DPP10: variants seen among roughly 807,000 people sequenced by gnomAD.
The protein encoded by DPP10 is inactive dipeptidyl peptidase 10.
A neutral mutation model predicts 120.9 loss-of-function variants in DPP10; 33 were observed. The observed-to-expected ratio is 0.27, with a 90% CI of 0.21 to 0.37. The LOEUF (loss-of-function observed/expected upper bound fraction) is 0.37, where lower values mean the gene tolerates loss of function less well. DPP10 is among the 10% of genes least tolerant of loss of function. The pLI is 1.00. For synonymous variants in DPP10, 337 were observed against 326.1 expected, an observed-to-expected ratio of 1.03 and a Z score of -0.36; for missense variants, 816 against 942.8, an observed-to-expected ratio of 0.87 and a Z score of 1.76.
At chr2:115,339,490 C>A (rs1030852249) in intron 2 of DPP10, among the ~76,000 whole-genome samples, 1 of 151,932 alleles carries the variant, frequency 6.6e-6, no homozygotes, top group African/African-American at 2.4e-5. Context: ...TATGTTTGTA[C>A]AAAAATCTAT....
At chr2:115,765,856 T>C (rs187533099) in intron 12 of DPP10, among the ~76,000 whole-genome samples, 1 of 152,248 alleles carries the variant, frequency 6.6e-6, no homozygotes, top group Non-Finnish European at 1.5e-5. Context: ...CCTTGAATGG[T>C]ATATTATCTC....
At chr2:114,700,203 G>T (rs956419011) in intron 1 of DPP10, among the ~76,000 whole-genome samples, 5 of 151,976 alleles carry the variant, frequency 3.3e-5, no homozygotes, top group African/African-American at 1.2e-4. Context: ...CTCCAGGCAG[G>T]GGGGAAAGCA....
At chr2:114,878,109 A>G (rs1275128595) in intron 1 of DPP10, among the ~76,000 whole-genome samples, 1 of 152,124 alleles carries the variant, frequency 6.6e-6, no homozygotes, top group African/African-American at 2.4e-5. Flanking sequence ...AAATTAATCA[A>G]TAAAGACTTC....
At chr2:115,147,137 T>C (rs1038961023) in intron 1 of DPP10, among the ~76,000 whole-genome samples, 1 of 151,446 alleles carries the variant, frequency 6.6e-6, no homozygotes, top group South Asian at 2.1e-4. Context: ...TATTTGCATA[T>C]TTTACTATAC....
intron 1 of DPP10, among the ~76,000 whole-genome samples, chr2:115,289,641 A>G (rs941253498): frequency 6.6e-6 from 1 of 152,108 alleles, no homozygotes; most frequent in African/African-American, 2.4e-5. Context: ...GTACTGGTAT[A>G]AAAGTAGACA....
At chr2:115,545,420 C>A (rs955600363) in intron 5 of DPP10, among the ~76,000 whole-genome samples, 2 of 152,060 alleles carry the variant, frequency 1.3e-5, no homozygotes, top group African/African-American at 4.8e-5. Context: ...AACATTAGAG[C>A]AAGGAGCAAA....
chr2:115,475,336 G>GT (rs2075006615), intron 3 of DPP10, among the ~76,000 whole-genome samples: 1 of 152,188 alleles, frequency 6.6e-6, no homozygotes, highest in Non-Finnish European at 1.5e-5. Flanking sequence ...GATGCAAACT[G>GT]TAAGTATTGG....
chr2:115,332,635 C>A (rs1041833683), intron 2 of DPP10, among the ~76,000 whole-genome samples: 1 of 152,132 alleles, frequency 6.6e-6, no homozygotes, highest in Non-Finnish European at 1.5e-5. Flanking sequence ...TGTTTGTTCT[C>A]ATTGGTTTCA....
rs185652220 is a variant in DPP10 at position 115,426,820 on chromosome 2, C to A, written c.272-72690C>A. 3.5e-3 allele frequency among the ~76,000 whole-genome samples: 536 copies of A among 152,302 alleles called. 3 individuals carry two copies. Among genetic ancestry groups the A allele is most frequent in the African/African-American group, 0.011 (469 of 41,570 alleles). ...AATACAATCATGCCTTCCCAATAGT[C>A]CCCCAAAGTCTTAACTCACTCAAGA... On this transcript the variant is annotated intron_variant, in intron 3 of 25. Transcript: ENST00000410059.
intron 1 of DPP10, among the ~76,000 whole-genome samples, chr2:115,101,717 C>T (rs1296864116): frequency 6.6e-6 from 1 of 152,170 alleles, no homozygotes; most frequent in Non-Finnish European, 1.5e-5. Flanking sequence ...TTTCAACATG[C>T]CAAAGATAAC....
At chr2:115,035,500 A>T (rs1704166575) in intron 1 of DPP10, among the ~76,000 whole-genome samples, 1 of 152,186 alleles carries the variant, frequency 6.6e-6, no homozygotes, top group African/African-American at 2.4e-5. Flanking sequence ...TTATTTTCAG[A>T]ACGATTCTTA....
chr2:115,453,408 A>G (rs1002239834), intron 3 of DPP10, among the ~76,000 whole-genome samples: 9 of 151,776 alleles, frequency 5.9e-5, no homozygotes, highest in Middle Eastern at 3.8e-3. Context: ...TGCAAAGTCT[A>G]TGTCACTGAA....
intron 1 of DPP10, among the ~76,000 whole-genome samples, chr2:115,223,988 T>C (rs2057309786): frequency 6.6e-6 from 1 of 152,154 alleles, no homozygotes; most frequent in African/African-American, 2.4e-5. Flanking sequence ...ACTTAAATTA[T>C]TCAATAAAAA....
chr2:115,309,112 A>G (rs1488471180), intron 1 of DPP10, 127 bp from the exon 2 acceptor site: 3 of 682,064 alleles, frequency 4.4e-6, no homozygotes, highest in Non-Finnish European at 7.5e-6. Flanking sequence ...TAAATGAACT[A>G]CTGAAGAGGA....
At chr2:115,557,005 A>G (rs1455933091) in intron 5 of DPP10, among the ~76,000 whole-genome samples, 5 of 152,228 alleles carry the variant, frequency 3.3e-5, no homozygotes, top group African/African-American at 4.8e-5. Context: ...TTTTCTGACT[A>G]CAAGAATCAT....
intron 1 of DPP10, among the ~76,000 whole-genome samples, chr2:114,629,747 G>A (rs376436177): frequency 2.6e-5 from 4 of 152,112 alleles, no homozygotes; most frequent in African/African-American, 7.2e-5. Flanking sequence ...TGTGTATACC[G>A]TTGAAGCAGC....
chr2:114,967,118 G>A (rs1460977982), intron 1 of DPP10, among the ~76,000 whole-genome samples: 1 of 152,120 alleles, frequency 6.6e-6, no homozygotes, highest in Non-Finnish European at 1.5e-5. Flanking sequence ...TATTTTCAAT[G>A]AGTTTTGCTA....
chr2:115,102,869 G>C (rs1326799898), intron 1 of DPP10, among the ~76,000 whole-genome samples: 2 of 152,150 alleles, frequency 1.3e-5, no homozygotes, highest in Non-Finnish European at 2.9e-5. Context: ...AGCCGTGGCA[G>C]CCACTCTGTG....
intron 1 of DPP10, among the ~76,000 whole-genome samples, chr2:115,249,960 A>T (rs137972198): frequency 1.3e-3 from 199 of 152,344 alleles, no homozygotes; most frequent in African/African-American, 4.7e-3. Context: ...CTAGACAGAA[A>T]GAAATCTATG....
Sources: gnomAD v4.1 joint callset for allele counts (sites outside exome capture counted in the v4.1 genomes callset) on GRCh38, gnomAD v4.1.1 for gene constraint, MANE v1.5 for transcripts, NCBI Gene and HGNC (gene_info 2026-07-23, HGNC 2026-07-21) for gene names.